The following ARID1B variants were observed in gnomAD, a reference collection of about 807,000 sequenced individuals.
ARID1B encodes the protein AT-rich interactive domain-containing protein 1B.
ARID1B carries 30 observed loss-of-function variants against 212.3 expected under a neutral mutation model. The observed-to-expected ratio is 0.14, with a 90% CI of 0.11 to 0.19. ARID1B has a LOEUF of 0.19. Among genes scored for constraint, ARID1B ranks in the 10% least tolerant of loss-of-function variants. ARID1B has a pLI of 1.00. For synonymous variants in ARID1B, 1,402 were observed against 1,301.7 expected, an observed-to-expected ratio of 1.08 and a Z score of -1.66; for missense variants, 2,891 against 3,204.0, an observed-to-expected ratio of 0.90 and a Z score of 2.36.
At position 156,988,816 on chromosome 6, in the gene ARID1B, G is replaced by A. The variant is rs192694662; in HGVS notation, c.2247+53240G>A. On this transcript the variant is annotated intron_variant, in intron 4 of 19. Transcript: ENST00000636930. ...ACTGCCTTCTTCCTATGCACCTGGAGCTTTTGTTATCTCAACTGACCAGTT... is the reference window on the plus strand; with the variant it reads ...ACTGCCTTCTTCCTATGCACCTGGAACTTTTGTTATCTCAACTGACCAGTT... Among the ~76,000 whole-genome samples the A allele has an allele frequency of 2.3e-3, 344 of 152,314 alleles. 1 individual carries two copies. The highest frequency in any genetic ancestry group is 7.7e-3 in the African/African-American group (319 of 41,556).
At chr6:156,904,242 A>G (rs1295041569) in intron 3 of ARID1B, among the ~76,000 whole-genome samples, 2 of 152,160 alleles carry the variant, frequency 1.3e-5, no homozygotes, top group Non-Finnish European at 2.9e-5. Context: ...GCCTTCTTCC[A>G]TATTTTTTTC....
chr6:156,885,737 A>T (rs1213070915), intron 2 of ARID1B, among the ~76,000 whole-genome samples: 1 of 152,184 alleles, frequency 6.6e-6, no homozygotes, highest in Non-Finnish European at 1.5e-5. Flanking sequence ...TCACTTCTTC[A>T]TATTGCCACA....
chr6:156,900,098 C>G (rs1336196024), intron 2 of ARID1B, among the ~76,000 whole-genome samples: 1 of 152,066 alleles, frequency 6.6e-6, no homozygotes, highest in African/African-American at 2.4e-5. Context: ...TAAATAAAAG[C>G]AAAAAATTCA....
chr6:156,783,916 G>C (rs1000139826), intron 1 of ARID1B, among the ~76,000 whole-genome samples: 1 of 152,124 alleles, frequency 6.6e-6, no homozygotes, highest in Non-Finnish European at 1.5e-5. Flanking sequence ...GTTTTGGAGT[G>C]TATGTGTAGA....
intron 9 of ARID1B, 33 bp from the exon 10 acceptor site, chr6:157,173,975 T>A: frequency 6.3e-7 from 1 of 1,580,254 alleles, no homozygotes; most frequent in Non-Finnish European, 8.7e-7. Context: ...ATCACACATA[T>A]AATCCTAAAC....
At chr6:157,009,922 A>G (rs527368047) in intron 4 of ARID1B, among the ~76,000 whole-genome samples, 117 of 152,338 alleles carry the variant, frequency 7.7e-4, no homozygotes, top group African/African-American at 2.5e-3. Flanking sequence ...GAAGAATGTG[A>G]TGTAATATAG....
chr6:157,039,646 T>C (rs113542629), intron 4 of ARID1B, among the ~76,000 whole-genome samples: 4,434 of 58,650 alleles, frequency 0.076, 272 homozygotes, highest in African/African-American at 0.23. Flanking sequence ...TCCTTCCTTC[T>C]TTCCTTCCTT....
At chr6:156,971,736 A>G (rs1056348022) in intron 4 of ARID1B, among the ~76,000 whole-genome samples, 2 of 152,010 alleles carry the variant, frequency 1.3e-5, no homozygotes, top group African/African-American at 2.4e-5. Context: ...GCAGCTGTGG[A>G]GCTCATGGCA....
At chr6:157,079,994 C>A (rs1004127888) in intron 4 of ARID1B, among the ~76,000 whole-genome samples, 2 of 152,138 alleles carry the variant, frequency 1.3e-5, no homozygotes, top group Non-Finnish European at 1.5e-5. Flanking sequence ...GTGCTTTAAA[C>A]CCATGGGAAG....
rs112112944 is a variant in ARID1B at position 157,154,900 on chromosome 6, T to TTTTTGTTTTG, written c.3089+5967_3089+5976dup. ...CCGGCCTGTTGCTCTTCTTTCTACT[T>TTTTTGTTTTG]TTTTGTTTTGTTTTGTTTTGTTTTG... On this transcript the variant is annotated intron_variant, in intron 8 of 19. Transcript: ENST00000636930. 2.2e-4 allele frequency among the ~76,000 whole-genome samples: 34 copies of TTTTTGTTTTG among 151,926 alleles called. 1 individual carries two copies. Among genetic ancestry groups the TTTTTGTTTTG allele is most frequent in the African/African-American group, 6.5e-4 (27 of 41,358 alleles).
At chr6:156,797,459 A>G (rs1274274084) in intron 1 of ARID1B, among the ~76,000 whole-genome samples, 2 of 152,094 alleles carry the variant, frequency 1.3e-5, no homozygotes, top group Non-Finnish European at 2.9e-5. Context: ...GTGCCATAGG[A>G]CAGTTGTTAA....
chr6:157,204,152 G>C, intron 19 of ARID1B, 156 bp downstream of exon 19: 1 of 927,092 alleles, frequency 1.1e-6, no homozygotes, highest in Non-Finnish European at 1.7e-6. Context: ...TCAATGTAGA[G>C]TTATCTGGGA....
intron 1 of ARID1B, among the ~76,000 whole-genome samples, chr6:156,822,795 AGGT>A (rs1782446901): frequency 6.6e-6 from 1 of 151,968 alleles, no homozygotes; most frequent in Admixed American, 6.6e-5. Flanking sequence ...CTCTGTGGTG[AGGT>A]GGAGTGGGCG....
chr6:156,826,343 C>T (rs1782739428), intron 1 of ARID1B, among the ~76,000 whole-genome samples: 1 of 152,224 alleles, frequency 6.6e-6, no homozygotes, highest in Non-Finnish European at 1.5e-5. Flanking sequence ...GAGACACCCT[C>T]TTCTCACCTT....
At chr6:156,876,964 G>A (rs547106514) in intron 2 of ARID1B, among the ~76,000 whole-genome samples, 452 of 152,146 alleles carry the variant, frequency 3.0e-3, no homozygotes, top group Non-Finnish European at 5.0e-3. Flanking sequence ...GCGTGATCTC[G>A]GCTCACTGCA....
intron 1 of ARID1B, among the ~76,000 whole-genome samples, chr6:156,786,527 G>A (rs1035915974): frequency 3.3e-5 from 5 of 152,148 alleles, no homozygotes; most frequent in African/African-American, 1.2e-4. Context: ...TGCTGCTGAT[G>A]CTGATAGGTA....
intron 4 of ARID1B, among the ~76,000 whole-genome samples, chr6:156,946,263 T>G (rs560087050): frequency 1.4e-3 from 215 of 151,048 alleles, no homozygotes; most frequent in African/African-American, 5.0e-3. Flanking sequence ...TCCCAGCTGC[T>G]CGGGAGGCTG....
rs778702667 is a variant in ARID1B at position 157,133,068 on chromosome 6, G to C, written c.2622G>C (p.Gln874His). The change falls in exon 7 of 20, where the codon CAG (glutamine) becomes CAC (histidine). Residue 874 changes from glutamine (Q) to histidine (H), a missense_variant. Physicochemically the swap from Gln to His is conservative, Grantham distance 24. Around this residue, in one of 7 missense-constraint regions of ARID1B, gnomAD observed 1,643 missense variants for 1,544.0 expected, o/e 1.06. Coordinates refer to ENST00000636930, the MANE Select transcript of ARID1B (RefSeq NM_001374828.1). ...AGTQRNPQMAQYGPQQTGPSM... is the reference protein window; with the variant it reads ...AGTQRNPQMAHYGPQQTGPSM... ...CACAAAGAAACCCTCAGATGGCTCA[G>C]TATGGACCTCAACAGACAGGACCAT... 4 of 1,613,668 alleles carry C rather than the reference G, an allele frequency of 2.5e-6. No homozygotes were observed. Among genetic ancestry groups the C allele is most frequent in the Non-Finnish European group, 3.4e-6 (4 of 1,179,906 alleles).
In ARID1B at chr6:157,196,435, G is replaced by A. The variant is rs1051601117; in HGVS notation, c.4382+120G>A. On this transcript the variant is annotated intron_variant, in intron 16 of 19. Coordinates refer to ENST00000636930, the MANE Select transcript of ARID1B (RefSeq NM_001374828.1). ...GACAATATACAGTGTCCCCTTTCCT[G>A]TGAAAGTAAAGAGGCAATGGCTGCT... 9 of 1,312,756 alleles carry A rather than the reference G, an allele frequency of 6.9e-6. No individual in the cohort carries two copies. In the South Asian group the frequency reaches 9.4e-5, roughly 14 times the overall value. The allele number at this position is 1,312,756 out of a possible 1,614,324, so 81.3% of individuals were successfully genotyped here.
Sources: allele counts gnomAD v4.1 joint callset (sites outside exome capture counted in the v4.1 genomes callset), GRCh38; gene constraint gnomAD v4.1.1; regional missense constraint gnomAD v4.1.1; transcripts MANE v1.5; gene names NCBI Gene and HGNC (gene_info 2026-07-23, HGNC 2026-07-21).